Variants in SHROOM3 observed in about 807,000 individuals in gnomAD.
SHROOM3 encodes the protein shroom family member 3.
In SHROOM3, 47 loss-of-function variants were observed where a neutral mutation model predicts 138.6. That is an observed-to-expected ratio of 0.34 (90% CI 0.27 to 0.43). The LOEUF is 0.43. Ranked by LOEUF, SHROOM3 falls within the 20% of genes least tolerant of loss-of-function variation. The pLI is 1.00. For synonymous variants in SHROOM3, 1,062 were observed against 1,063.3 expected (o/e 1.00, Z 0.02); for missense variants, 2,491 against 2,596.5 (o/e 0.96, Z 0.88).
intron 2 of SHROOM3, among the ~76,000 whole-genome samples, chr4:76,597,493 A>G (rs1734415545): frequency 6.6e-6 from 1 of 152,244 alleles, no homozygotes; most frequent in Non-Finnish European, 1.5e-5. Flanking sequence ...TGAAAGTGGC[A>G]TAAACATTTA....
In SHROOM3 at chr4:76,770,841, A is replaced by G. The variant is rs572217761; in HGVS notation, c.5565A>G (p.Leu1855=). 1.2e-6 allele frequency: 2 copies of G among 1,614,226 alleles called. No individual in the cohort carries two copies. Among genetic ancestry groups the G allele is most frequent in the South Asian group, 1.1e-5 (1 of 91,090 alleles). The stretch of plus-strand genomic sequence containing the variant: ...TGCTGCTCTCCCTCTCGGGGCGTCT[A>G]GCCCGTGTTGAGAATGTCCTTAGCG... ...VNLLLSLSGR[L]ARVENVLSGL... is the part of the protein sequence containing the mutation. Residue 1855 remains leucine (L), a synonymous_variant, in exon 10 of 11, where the codon CTA becomes CTG. Coordinates refer to ENST00000296043, the MANE Select transcript of SHROOM3 (RefSeq NM_020859.4).
intron 2 of SHROOM3, among the ~76,000 whole-genome samples, chr4:76,602,666 C>T (rs1020435534): frequency 3.3e-5 from 5 of 152,126 alleles, no homozygotes; most frequent in African/African-American, 9.7e-5. Context: ...AAACAAATTA[C>T]TTTTCATTAT....
chr4:76,689,436 G>C (rs373112903), intron 2 of SHROOM3: 1 of 806,466 alleles, frequency 1.2e-6, no homozygotes, highest in African/African-American at 1.9e-5. Context: ...CGGGCGGGAC[G>C]AGAGGTGGGC....
At chr4:76,653,534 A>G (rs1472231174) in intron 2 of SHROOM3, among the ~76,000 whole-genome samples, 1 of 151,478 alleles carries the variant, frequency 6.6e-6, no homozygotes, top group African/African-American at 2.4e-5. Context: ...GCAGAGTCAC[A>G]TTCTTGTCTT....
intron 1 of SHROOM3, among the ~76,000 whole-genome samples, chr4:76,522,299 C>T (rs1429670696): frequency 6.7e-6 from 1 of 148,350 alleles, no homozygotes; most frequent in Non-Finnish European, 1.5e-5. Flanking sequence ...ATATTATATA[C>T]TAAAAAGTAC....
chr4:76,766,146 C>T (rs560834782), intron 9 of SHROOM3, among the ~76,000 whole-genome samples: 21 of 152,226 alleles, frequency 1.4e-4, no homozygotes, highest in South Asian at 4.1e-4. Context: ...CATCGGTAAA[C>T]GGGGATAATA....
intron 1 of SHROOM3, among the ~76,000 whole-genome samples, chr4:76,471,169 T>A (rs72657866): frequency 0.048 from 7,348 of 152,216 alleles, 208 homozygotes; most frequent in Middle Eastern, 0.075. Context: ...TGTCTGAAAA[T>A]GTATGTCTTT....
At chr4:76,725,198 T>G (rs1720668986) in intron 3 of SHROOM3, among the ~76,000 whole-genome samples, 2 of 140,654 alleles carry the variant, frequency 1.4e-5, no homozygotes, top group Admixed American at 1.4e-4. Flanking sequence ...CTATTAGAAC[T>G]GTGATGAAAC....
intron 2 of SHROOM3, among the ~76,000 whole-genome samples, chr4:76,665,529 G>A (rs938685228): frequency 1.3e-5 from 2 of 152,324 alleles, no homozygotes; most frequent in Non-Finnish European, 2.9e-5. Flanking sequence ...GCTTTGCCTG[G>A]AGTCCTGGAC....
rs562843262 is a variant in SHROOM3 at position 76,670,294 on chromosome 4, C to T, written c.324-39862C>T. 5.9e-5 allele frequency among the ~76,000 whole-genome samples: 9 copies of T among 152,270 alleles called. No individual in the cohort carries two copies. In the South Asian group the frequency reaches 1.0e-3, roughly 18 times the overall value. ...TTAACTATTGAAACATGCTACAACACAGACGGACCTCAAAAACATTATGCT... is the reference window on the plus strand; with the variant it reads ...TTAACTATTGAAACATGCTACAACATAGACGGACCTCAAAAACATTATGCT... On this transcript the variant is annotated intron_variant, in intron 2 of 10. Transcript: ENST00000296043.
intron 2 of SHROOM3, among the ~76,000 whole-genome samples, chr4:76,684,767 G>A (rs909734365): frequency 4.6e-5 from 7 of 152,228 alleles, no homozygotes; most frequent in Middle Eastern, 3.4e-3. Flanking sequence ...GCCTATTTAC[G>A]GGAAAAGACT....
intron 6 of SHROOM3, among the ~76,000 whole-genome samples, chr4:76,753,079 G>C (rs1238801842): frequency 6.6e-6 from 1 of 152,138 alleles, no homozygotes; most frequent in Non-Finnish European, 1.5e-5. Context: ...GGATGAGACA[G>C]AAGTGAAGAG....
chr4:76,458,523 C>G (rs928392006), intron 1 of SHROOM3, among the ~76,000 whole-genome samples: 1 of 152,208 alleles, frequency 6.6e-6, no homozygotes, highest in Non-Finnish European at 1.5e-5. Flanking sequence ...TTCATCTTCC[C>G]ATACTGAAAC....
At chr4:76,745,227 A>G (rs1032987675) in intron 5 of SHROOM3, among the ~76,000 whole-genome samples, 1 of 152,218 alleles carries the variant, frequency 6.6e-6, no homozygotes, top group African/African-American at 2.4e-5. Flanking sequence ...GGACCTGCAA[A>G]GCTATAGAAA....
rs377575074 is a variant in SHROOM3, at chr4:76,722,553, G to A, written c.456-8251G>A. 6.4e-4 allele frequency among the ~76,000 whole-genome samples: 97 copies of A among 152,042 alleles called. 1 individual carries two copies. In the South Asian group the frequency reaches 0.019, roughly 30 times the overall value. The stretch of plus-strand genomic sequence containing the variant: ...GAAGATCAGAAAACATAACTATTGG[G>A]TACTAGGCTTAGTGCCTGGGTGATG... On this transcript the variant is annotated intron_variant, in intron 3 of 10. Transcript: ENST00000296043.
chr4:76,669,465 T>A (rs527823217), intron 2 of SHROOM3, among the ~76,000 whole-genome samples: 1 of 152,022 alleles, frequency 6.6e-6, no homozygotes, highest in African/African-American at 2.4e-5. Flanking sequence ...TACTAAAAAT[T>A]CAAAAAGAAT....
chr4:76,726,125 A>T (rs558875180), intron 3 of SHROOM3, among the ~76,000 whole-genome samples: 1 of 152,016 alleles, frequency 6.6e-6, no homozygotes, highest in South Asian at 2.1e-4. Context: ...CCATGCATCT[A>T]CCCTCATCAC....
intron 2 of SHROOM3, among the ~76,000 whole-genome samples, chr4:76,614,324 G>A (rs1734828144): frequency 6.6e-6 from 1 of 152,060 alleles, no homozygotes; most frequent in Non-Finnish European, 1.5e-5. Context: ...AAAGTGCTGG[G>A]ATTACAGGCA....
At chr4:76,747,607 T>G (rs1721482312) in intron 5 of SHROOM3, among the ~76,000 whole-genome samples, 1 of 152,194 alleles carries the variant, frequency 6.6e-6, no homozygotes, top group South Asian at 2.1e-4. Context: ...TATTTATACT[T>G]TACTGGGTTA....
Sources: gnomAD v4.1 joint callset for allele counts (sites outside exome capture counted in the v4.1 genomes callset) on GRCh38, gnomAD v4.1.1 for gene constraint, MANE v1.5 for transcripts, NCBI Gene and HGNC (gene_info 2026-07-23, HGNC 2026-07-21) for gene names.